Variants in FSD1L observed in about 807,000 individuals in gnomAD.
FSD1L encodes fibronectin type III and SPRY domain containing 1 like.
A neutral mutation model predicts 71.6 loss-of-function variants in FSD1L; 45 were observed. The ratio of observed to expected loss-of-function variants is 0.63; its 90% CI spans 0.49 to 0.81. The LOEUF (loss-of-function observed/expected upper bound fraction) is 0.81, where lower values mean the gene tolerates loss of function less well. Ranked by LOEUF, FSD1L falls within the 30% of genes least tolerant of loss-of-function variation. The pLI, the probability that FSD1L is intolerant of heterozygous loss-of-function variation, is 0.00. For missense variants in FSD1L, 561 were observed against 618.1 expected (o/e 0.91, Z 0.98); for synonymous variants, 197 against 207.2 (o/e 0.95, Z 0.42).
intron 4 of FSD1L, among the ~76,000 whole-genome samples, chr9:105,469,868 CTA>C (rs771046890): frequency 3.3e-5 from 5 of 152,044 alleles, no homozygotes; most frequent in Admixed American, 1.3e-4. Flanking sequence ...AGCTTTTCCT[CTA>C]TGTTTTCTTC....
At position 105,549,633 on chromosome 9, in the gene FSD1L, G is replaced by C. The variant is rs1431341172; in HGVS notation, c.*3150G>C. 1.3e-5 allele frequency: 2 copies of C among 151,914 alleles called. No homozygotes were observed. The highest frequency in any genetic ancestry group is 4.8e-5 in the African/African-American group (2 of 41,406). The allele number at this position is 151,914 out of a possible 1,614,324, so 9.4% of individuals were successfully genotyped here. A position where few individuals can be genotyped will look rare whatever the true frequency, so the allele number is the denominator to read the frequency against. On this transcript the variant is annotated 3_prime_UTR_variant, in exon 14 of 14. Coordinates refer to ENST00000481272, the MANE Select transcript of FSD1L (RefSeq NM_001145313.3). ...GTAATTTTTCCCTATGTTATGAAGA[G>C]AGACATATTGGCTTGCTTTAATTTA...
At chr9:105,475,625 C>A (rs974947031) in intron 5 of FSD1L, among the ~76,000 whole-genome samples, 2 of 152,158 alleles carry the variant, frequency 1.3e-5, no homozygotes, top group Non-Finnish European at 2.9e-5. Flanking sequence ...AAAAACAGAT[C>A]TAAATATTTG....
upstream of FSD1L, chr9:105,447,965 TC>T: frequency 1.9e-6 from 1 of 538,342 alleles, no homozygotes; most frequent in South Asian, 2.3e-5. Flanking sequence ...CACGGCTACT[TC>T]CCGGGAGCAG....
chr9:105,464,466 A>AAAATGTTTTCATTGCAATTCCTG (rs1254831589), intron 3 of FSD1L, 135 bp downstream of exon 3: 5 of 477,568 alleles, frequency 1.0e-5, no homozygotes, highest in Non-Finnish European at 1.9e-5. Context: ...AGATAAAGTA[A>AAAATGTTTTCATTGCAATTCCTG]AAATGTTTTC....
At chr9:105,519,898 G>T (rs1019227076) in intron 10 of FSD1L, among the ~76,000 whole-genome samples, 3 of 152,212 alleles carry the variant, frequency 2.0e-5, no homozygotes, top group Non-Finnish European at 2.9e-5. Context: ...CCGGGAGAGG[G>T]ATCCGCCATA....
rs1424336046 is a variant in FSD1L at position 105,550,968 on chromosome 9, C to T, written c.*4485C>T. On this transcript the variant is annotated 3_prime_UTR_variant, in exon 14 of 14. Coordinates refer to ENST00000481272, the MANE Select transcript of FSD1L (RefSeq NM_001145313.3). ...TTCACAGTATGTAGAGCAGAAGGCA[C>T]GTGAATGTGTTTGCTTTGGCTTGGA... The T allele has an allele frequency of 2.0e-5, 3 of 152,054 alleles. No individual in the cohort carries two copies. The highest frequency in any genetic ancestry group is 2.1e-4 in the South Asian group (1 of 4,826). The allele number at this position is 152,054 out of a possible 1,614,324, so 9.4% of individuals were successfully genotyped here. A position where few individuals can be genotyped will look rare whatever the true frequency, so the allele number is the denominator to read the frequency against.
intron 10 of FSD1L, among the ~76,000 whole-genome samples, chr9:105,517,473 C>T (rs750926935): frequency 6.6e-6 from 1 of 152,216 alleles, no homozygotes; most frequent in African/African-American, 2.4e-5. Context: ...TCTGCAGAAA[C>T]CCCACAAGCC....
intron 13 of FSD1L, among the ~76,000 whole-genome samples, chr9:105,544,189 A>C (rs1836823240): frequency 6.6e-6 from 1 of 152,202 alleles, no homozygotes; most frequent in Non-Finnish European, 1.5e-5. Context: ...GCCAGTGATG[A>C]TGAGCATTTT....
intron 3 of FSD1L, among the ~76,000 whole-genome samples, chr9:105,466,558 TG>T (rs1831087921): frequency 6.6e-6 from 1 of 152,102 alleles, no homozygotes. Context: ...CTGGTCGTGG[TG>T]GCAAGCGCCT....
chr9:105,457,841 G>A (rs907488538), intron 1 of FSD1L, among the ~76,000 whole-genome samples: 6 of 152,356 alleles, frequency 3.9e-5, no homozygotes, highest in East Asian at 1.9e-4. Context: ...GTGGCCATAC[G>A]GGCAGCTCCG....
In FSD1L at chr9:105,482,368, AAG is replaced by A. The variant is rs201606304; in HGVS notation, c.465-2008_465-2007del. 7.4e-4 allele frequency among the ~76,000 whole-genome samples: 112 copies of A among 152,302 alleles called. No individual in the cohort carries two copies. The East Asian group carries it at 0.021, about 29-fold the overall frequency. On this transcript the variant is annotated intron_variant, in intron 6 of 13. Coordinates refer to ENST00000481272, the MANE Select transcript of FSD1L (RefSeq NM_001145313.3). ...TATTGCAGGAGTTATTGGTTCTTGA[AAG>A]AGAGGGGTTATGAAAGAGTCAAGTT...
chr9:105,457,863 A>G (rs1370972206), intron 1 of FSD1L, among the ~76,000 whole-genome samples: 1 of 152,254 alleles, frequency 6.6e-6, no homozygotes, highest in Non-Finnish European at 1.5e-5. Flanking sequence ...GCACTGGCAC[A>G]GTCACTGGCT....
chr9:105,523,605 C>G, intron 10 of FSD1L: 1 of 1,610,552 alleles, frequency 6.2e-7, no homozygotes, highest in Non-Finnish European at 8.5e-7. Flanking sequence ...CCCTTCTCCA[C>G]CAGTTTTAAT....
At chr9:105,506,854 C>T (rs912353880) in intron 8 of FSD1L, among the ~76,000 whole-genome samples, 1 of 151,710 alleles carries the variant, frequency 6.6e-6, no homozygotes, top group Admixed American at 6.6e-5. Context: ...CCACTGCAAC[C>T]TCCGCCTCCT....
At chr9:105,523,539 C>T (rs1835317614) in intron 10 of FSD1L, 2 of 1,612,564 alleles carry the variant, frequency 1.2e-6, no homozygotes, top group South Asian at 2.2e-5. Flanking sequence ...TGAACTTTGG[C>T]AGAATCTAGC....
At chr9:105,444,517 G>A (rs985593993), upstream of FSD1L, among the ~76,000 whole-genome samples, 1 of 152,212 alleles carries the variant, frequency 6.6e-6, no homozygotes, top group Non-Finnish European at 1.5e-5. Context: ...GGGAATTTCA[G>A]AATATACGAG....
chr9:105,539,397 G>A, intron 13 of FSD1L, 46 bp downstream of exon 13: 1 of 866,218 alleles, frequency 1.2e-6, no homozygotes. Flanking sequence ...ATTTTACTTG[G>A]TTGGCAACTT....
chr9:105,509,296 G>T (rs1834261631), intron 9 of FSD1L, among the ~76,000 whole-genome samples: 1 of 152,194 alleles, frequency 6.6e-6, no homozygotes, highest in Admixed American at 6.5e-5. Context: ...TTGGAAAGGT[G>T]TGAATAAGAA....
chr9:105,457,039 A>G (rs1830402089), intron 1 of FSD1L, among the ~76,000 whole-genome samples: 1 of 152,228 alleles, frequency 6.6e-6, no homozygotes, highest in Admixed American at 6.5e-5. Flanking sequence ...GGGGCAGATG[A>G]AAGTTGTCTT....
Sources: allele counts gnomAD v4.1 joint callset (sites outside exome capture counted in the v4.1 genomes callset), GRCh38; gene constraint gnomAD v4.1.1; transcripts MANE v1.5; gene names NCBI Gene and HGNC (gene_info 2026-07-23, HGNC 2026-07-21).